Variants in MPP3 observed in about 807,000 individuals in gnomAD.
MPP3 encodes the protein MAGUK p55 scaffold protein 3.
MPP3 carries 48 observed loss-of-function variants against 80.7 expected under a neutral mutation model. The observed-to-expected ratio is 0.59, with a 90% CI of 0.47 to 0.76. The LOEUF (loss-of-function observed/expected upper bound fraction) is 0.76, where lower values mean the gene tolerates loss of function less well. MPP3 is among the 30% of genes least tolerant of loss of function. The pLI is 0.00. For synonymous variants in MPP3, 311 were observed against 297.6 expected (o/e 1.04, Z -0.46); for missense variants, 620 against 763.0 (o/e 0.81, Z 2.21).
At chr17:43,827,298 G>A (rs1403643937) in intron 8 of MPP3, among the ~76,000 whole-genome samples, 4 of 149,312 alleles carry the variant, frequency 2.7e-5, no homozygotes, top group South Asian at 2.1e-4. Context: ...TTACAGGCGT[G>A]AGCCACTGTG....
In MPP3 at chr17:43,820,868, T is replaced by C; in HGVS notation, c.875A>G (p.Gln292Arg). ...RAGLIPSKGF[Q>R]ERRLSYRRAA... ...CAACATACCCCAGACCCACCTCTCC[T>C]GGAACCCCTTGGAGGGGATGAGGCC... The change falls in exon 11 of 20, where the codon CAG (glutamine) becomes CGG (arginine). Residue 292 changes from glutamine to arginine, a missense_variant. Transcript: ENST00000398389. The C allele has an allele frequency of 6.2e-7, 1 of 1,614,058 alleles. No homozygotes were observed. The highest frequency in any genetic ancestry group is 8.5e-7 in the Non-Finnish European group (1 of 1,179,972).
chr17:43,823,572 G>A (rs1045732166), intron 10 of MPP3, among the ~76,000 whole-genome samples: 24 of 152,204 alleles, frequency 1.6e-4, no homozygotes, highest in Admixed American at 5.2e-4. Context: ...CAGAGTAGGT[G>A]ACCAAATAAG....
intron 12 of MPP3, among the ~76,000 whole-genome samples, chr17:43,816,951 T>C (rs781284632): frequency 1.3e-5 from 2 of 152,238 alleles, no homozygotes; most frequent in Non-Finnish European, 2.9e-5. Flanking sequence ...TCAAGGCCAC[T>C]GCCCTTCTAA....
chr17:43,827,745 A>T lies in MPP3; in HGVS notation c.523+6T>A. ...GCTGGGCCAGCTTTGCACTGCCGCCACTCACCGCTCCTGTCTGCTGCGCCT... is the reference window on the plus strand; with the variant it reads ...GCTGGGCCAGCTTTGCACTGCCGCCTCTCACCGCTCCTGTCTGCTGCGCCT... On this transcript the variant is annotated splice_donor_region_variant and intron_variant, in intron 8 of 19. Coordinates refer to ENST00000398389, the MANE Select transcript of MPP3 (RefSeq NM_001932.6). 6.2e-7 allele frequency: 1 copy of T among 1,609,898 alleles called. No homozygotes were observed. Among genetic ancestry groups the T allele is most frequent in the Non-Finnish European group, 8.5e-7 (1 of 1,179,870 alleles).
intron 15 of MPP3, 43 bp downstream of exon 15, chr17:43,814,154 G>A (rs2044999128): frequency 3.7e-6 from 6 of 1,607,908 alleles, no homozygotes; most frequent in Non-Finnish European, 5.1e-6. Context: ...CTGCTCCAGG[G>A]AGGAAACCAG....
intron 16 of MPP3, 126 bp downstream of exon 16, chr17:43,813,885 T>G: frequency 2.5e-6 from 2 of 797,896 alleles, no homozygotes; most frequent in Non-Finnish European, 4.0e-6. Flanking sequence ...AATTTGCCAA[T>G]AGCAGGCAGT....
intron 18 of MPP3, 30 bp downstream of exon 18, chr17:43,810,777 C>G (rs767161674): frequency 1.4e-6 from 2 of 1,474,890 alleles, no homozygotes; most frequent in Non-Finnish European, 1.9e-6. Context: ...TTCCGTTAAC[C>G]AGAAATGGCC....
chr17:43,827,638 C>A (rs1286121952), intron 8 of MPP3, 113 bp downstream of exon 8: 2 of 974,652 alleles, frequency 2.1e-6, no homozygotes, highest in African/African-American at 1.6e-5. Context: ...AAAGCAAATC[C>A]CAAACAGGTG....
At position 43,827,814 on chromosome 17, in the gene MPP3, C is replaced by T. The variant is rs1251949024; in HGVS notation, c.460G>A (p.Asp154Asn). ...ACCACAACAGCCCCTGAGTGCTCGTCCCGCCGGATGGTGGCACCCTGAACC... is the reference window on the plus strand; with the variant it reads ...ACCACAACAGCCCCTGAGTGCTCGTTCCGCCGGATGGTGGCACCCTGAACC... The part of the protein sequence containing the change: ...KEPLGATIRR[D>N]EHSGAVVVAR... Residue 154 changes from aspartate (D) to asparagine (N), a missense_variant, in exon 8 of 20, where the codon GAC becomes AAC. By Grantham distance (23) the Asp-to-Asn change is conservative (BLOSUM62 1). Transcript: ENST00000398389. The T allele has an allele frequency of 7.4e-6, 12 of 1,613,148 alleles. No individual in the cohort carries two copies. The highest frequency in any genetic ancestry group is 1.0e-5 in the Non-Finnish European group (12 of 1,180,020).
At chr17:43,807,408 C>T (rs2044666008) in intron 19 of MPP3, among the ~76,000 whole-genome samples, 1 of 151,198 alleles carries the variant, frequency 6.6e-6, no homozygotes, top group Non-Finnish European at 1.5e-5. Context: ...ACCTATTAGG[C>T]TCAAGTGATC....
Position 43,809,978 on chromosome 17 carries a change from T to C in MPP3, c.1458+829A>G, listed in dbSNP as rs547674202. On this transcript the variant is annotated intron_variant, in intron 18 of 19. Coordinates refer to ENST00000398389, the MANE Select transcript of MPP3 (RefSeq NM_001932.6). ...TAGTATTAAACTGCTATATGCATTATCTGCACCCTTGATCAATAAAGTGAT... is the reference window on the plus strand; with the variant it reads ...TAGTATTAAACTGCTATATGCATTACCTGCACCCTTGATCAATAAAGTGAT... Among the ~76,000 whole-genome samples, 36 of 152,322 alleles carry C rather than the reference T, an allele frequency of 2.4e-4. 1 individual carries two copies. The South Asian group carries it at 7.3e-3, about 31-fold the overall frequency.
chr17:43,811,374 G>GT (rs2044850400), intron 16 of MPP3, 169 bp from the exon 17 acceptor site: 4 of 606,348 alleles, frequency 6.6e-6, no homozygotes, highest in South Asian at 2.0e-5. Context: ...CCAGGCAGGC[G>GT]TATCACTGAT....
chr17:43,807,316 A>ATT (rs775028839), intron 19 of MPP3, among the ~76,000 whole-genome samples: 1 of 139,048 alleles, frequency 7.2e-6, no homozygotes, highest in East Asian at 2.2e-4. Context: ...TTTTTTCTAC[A>ATT]TTTTTTTTTT....
At position 43,831,428 on chromosome 17, in the gene MPP3, A is replaced by G. The variant is rs145825798; in HGVS notation, c.145-107T>C. 125 of 1,387,288 alleles carry G rather than the reference A, an allele frequency of 9.0e-5. No homozygotes were observed. In the Middle Eastern group the frequency reaches 1.1e-3, roughly 12 times the overall value. 85.9% of individuals were successfully genotyped at this position (1,387,288 alleles called of 1,614,324 possible). ...TGGGCCACTGACAGGGCACCATAAG[A>G]GAAAGTCCTGTGTAGTGGGCAAGTG... On this transcript the variant is annotated intron_variant, in intron 4 of 19. Transcript: ENST00000398389.
rs780194651 is a variant in MPP3 at position 43,814,185 on chromosome 17, G to T, written c.1174+12C>A. The T allele has an allele frequency of 3.8e-5, 61 of 1,612,186 alleles. No individual in the cohort carries two copies. Among genetic ancestry groups the T allele is most frequent in the Non-Finnish European group, 5.0e-5 (59 of 1,179,144 alleles). On this transcript the variant is annotated intron_variant, in intron 15 of 19. Transcript: ENST00000398389. Reference sequence around the variant, plus strand: ...ACCAGATCACTTCCTGGAAACCCAGGATGGCACCTACCGATCAGAACCACC... The same window carrying T: ...ACCAGATCACTTCCTGGAAACCCAGTATGGCACCTACCGATCAGAACCACC...
intron 12 of MPP3, 98 bp downstream of exon 12, chr17:43,817,948 G>GC: frequency 1.1e-6 from 1 of 934,314 alleles, no homozygotes; most frequent in South Asian, 1.7e-5. Flanking sequence ...GACCCCTGAT[G>GC]CCCCCTCCAG....
At chr17:43,831,699 A>G (rs368219861) in intron 3 of MPP3, 22 bp from the exon 4 acceptor site, 65 of 1,581,058 alleles carry the variant, frequency 4.1e-5, no homozygotes, top group Admixed American at 3.8e-4. Context: ...TGAGAAAAAC[A>G]AAGGATAGCA....
At chr17:43,815,934 A>G (rs1432010692) in intron 14 of MPP3, 104 bp downstream of exon 14, 2 of 1,091,530 alleles carry the variant, frequency 1.8e-6, no homozygotes, top group African/African-American at 3.3e-5. Flanking sequence ...CCACTGCTCC[A>G]GAAGGACTCC....
chr17:43,831,223 A>C (rs576456735), intron 5 of MPP3, 21 bp downstream of exon 5: 1 of 1,613,146 alleles, frequency 6.2e-7, no homozygotes, highest in East Asian at 2.2e-5. Flanking sequence ...CAGACACTGT[A>C]AGGAGAAACC....
Sources: allele counts gnomAD v4.1 joint callset (sites outside exome capture counted in the v4.1 genomes callset), GRCh38; gene constraint gnomAD v4.1.1; transcripts MANE v1.5; gene names NCBI Gene and HGNC (gene_info 2026-07-23, HGNC 2026-07-21).